TRDN: variants seen among roughly 807,000 people sequenced by gnomAD.
TRDN encodes triadin.
TRDN carries 161 observed loss-of-function variants against 149.7 expected under a neutral mutation model. The ratio of observed to expected loss-of-function variants is 1.08; its 90% CI spans 0.95 to 1.23. The LOEUF (loss-of-function observed/expected upper bound fraction) is 1.23. TRDN is among the 50% of genes most tolerant of loss of function. The pLI is 0.00. For synonymous variants in TRDN, 294 were observed against 250.5 expected, an observed-to-expected ratio of 1.17 and a Z score of -1.64; for missense variants, 896 against 823.5, an observed-to-expected ratio of 1.09 and a Z score of -1.08.
At chr6:123,238,667 C>T (rs568179132) in intron 38 of TRDN, among the ~76,000 whole-genome samples, 149 of 151,702 alleles carry the variant, frequency 9.8e-4, no homozygotes, top group African/African-American at 2.0e-3. Context: ...TAGTATACAA[C>T]GTAAAATAAA....
intron 20 of TRDN, among the ~76,000 whole-genome samples, chr6:123,360,514 A>C (rs1432541267): frequency 6.6e-6 from 1 of 152,200 alleles, no homozygotes; most frequent in Non-Finnish European, 1.5e-5. Context: ...TGAGAAATCT[A>C]GTAACATAAG....
At chr6:123,496,329 G>C (rs1220834493) in intron 9 of TRDN, among the ~76,000 whole-genome samples, 1 of 151,342 alleles carries the variant, frequency 6.6e-6, no homozygotes, top group Non-Finnish European at 1.5e-5. Context: ...TTAGAAATGA[G>C]ATGTCTCTTT....
intron 12 of TRDN, among the ~76,000 whole-genome samples, chr6:123,434,347 G>C (rs1774465647): frequency 6.6e-6 from 1 of 152,136 alleles, no homozygotes; most frequent in African/African-American, 2.4e-5. Flanking sequence ...AGTTCCACCA[G>C]ACTGAAAGCA....
intron 24 of TRDN, among the ~76,000 whole-genome samples, chr6:123,302,808 A>G (rs1318664295): frequency 6.6e-6 from 1 of 152,094 alleles, no homozygotes; most frequent in Non-Finnish European, 1.5e-5. Context: ...GTTAAAATGC[A>G]AGTTCTTATT....
At chr6:123,359,633 G>A (rs147287806) in intron 20 of TRDN, among the ~76,000 whole-genome samples, 12 of 152,280 alleles carry the variant, frequency 7.9e-5, no homozygotes, top group South Asian at 4.1e-4. Context: ...GAAACAGTAA[G>A]TTGGAAAGAG....
chr6:123,636,490 C>T (rs556296853), intron 1 of TRDN, among the ~76,000 whole-genome samples: 1 of 151,904 alleles, frequency 6.6e-6, no homozygotes, highest in African/African-American at 2.4e-5. Context: ...GTGTGAGTAA[C>T]AACTGTTAAC....
chr6:123,546,750 C>G (rs1006618057), intron 4 of TRDN, among the ~76,000 whole-genome samples: 1 of 151,946 alleles, frequency 6.6e-6, no homozygotes, highest in African/African-American at 2.4e-5. Context: ...AGGTTGTGAC[C>G]ACTTCACTCA....
chr6:123,226,184 G>C (rs1183002941), intron 38 of TRDN, among the ~76,000 whole-genome samples: 1 of 151,662 alleles, frequency 6.6e-6, no homozygotes, highest in Non-Finnish European at 1.5e-5. Context: ...TGGATAAAAT[G>C]ACCATGGTCT....
chr6:123,449,368 A>C (rs1345132336), intron 10 of TRDN, among the ~76,000 whole-genome samples: 1 of 152,096 alleles, frequency 6.6e-6, no homozygotes, highest in East Asian at 1.9e-4. Flanking sequence ...TAGATCGATT[A>C]AAAAAAATCA....
At chr6:123,304,725 C>T (rs1039478988) in intron 24 of TRDN, among the ~76,000 whole-genome samples, 1 of 152,010 alleles carries the variant, frequency 6.6e-6, no homozygotes, top group Non-Finnish European at 1.5e-5. Flanking sequence ...AATTTTAAAT[C>T]AATGGACCAA....
chr6:123,242,382 T>C (rs1776022031), intron 38 of TRDN, among the ~76,000 whole-genome samples: 1 of 152,096 alleles, frequency 6.6e-6, no homozygotes, highest in African/African-American at 2.4e-5. Context: ...CTAAATATAA[T>C]AAAATCTCAC....
chr6:123,616,014 T>C (rs1453652858), intron 1 of TRDN, among the ~76,000 whole-genome samples: 1 of 152,192 alleles, frequency 6.6e-6, no homozygotes, highest in East Asian at 1.9e-4. Context: ...ATGTAACTCA[T>C]ATATATGTGT....
intron 7 of TRDN, 102 bp from the exon 8 acceptor site, chr6:123,504,003 G>A: frequency 4.7e-6 from 6 of 1,276,402 alleles, no homozygotes; most frequent in Non-Finnish European, 6.3e-6. Context: ...AAAGAGGGAA[G>A]AAAGGTAAGT....
chr6:123,269,889 C>T, intron 30 of TRDN, 23 bp from the exon 31 acceptor site: 1 of 1,608,824 alleles, frequency 6.2e-7, no homozygotes, highest in South Asian at 1.1e-5. Flanking sequence ...GAGGCAAGCA[C>T]ATGGCATATT....
rs1474609506 is a variant in TRDN, at chr6:123,235,822, G to C, written c.1976-11691C>G. On this transcript the variant is annotated intron_variant, in intron 38 of 40. Transcript: ENST00000334268. ...TCCCGTATGGAACCTTTGGAGCTTA[G>C]CTTCAGAAGAAATAACGTATTTGAA... 3.3e-5 allele frequency among the ~76,000 whole-genome samples: 5 copies of C among 152,182 alleles called. No individual in the cohort carries two copies. The East Asian group carries it at 9.7e-4, about 30-fold the overall frequency.
intron 2 of TRDN, among the ~76,000 whole-genome samples, chr6:123,567,947 C>T (rs1197146797): frequency 6.6e-6 from 1 of 152,160 alleles, no homozygotes; most frequent in Non-Finnish European, 1.5e-5. Flanking sequence ...GCATTAACTC[C>T]AAAGTCCAAA....
chr6:123,283,867 T>C (rs1026340070), intron 24 of TRDN, among the ~76,000 whole-genome samples: 5 of 148,726 alleles, frequency 3.4e-5, no homozygotes, highest in South Asian at 2.1e-4. Flanking sequence ...TCTTTAAATG[T>C]CTGATAGAAT....
At chr6:123,443,007 T>C (rs922967047) in intron 10 of TRDN, among the ~76,000 whole-genome samples, 2 of 152,128 alleles carry the variant, frequency 1.3e-5, no homozygotes, top group Non-Finnish European at 2.9e-5. Flanking sequence ...GAGTAGAATG[T>C]GTTTGAGTCC....
intron 1 of TRDN, among the ~76,000 whole-genome samples, chr6:123,596,953 T>C (rs1562416154): frequency 6.6e-6 from 1 of 152,116 alleles, no homozygotes. Flanking sequence ...CACAAAAATC[T>C]TTTCTGTGGC....
Sources: allele counts gnomAD v4.1 joint callset (sites outside exome capture counted in the v4.1 genomes callset), GRCh38; gene constraint gnomAD v4.1.1; transcripts MANE v1.5; gene names NCBI Gene and HGNC (gene_info 2026-07-23, HGNC 2026-07-21).